GTF3C3: variants seen among roughly 807,000 people sequenced by gnomAD.
GTF3C3 encodes general transcription factor IIIC subunit 3, also known as general transcription factor 3C polypeptide 3.
In GTF3C3, 75 loss-of-function variants were observed where a neutral mutation model predicts 105.2. That is an observed-to-expected ratio of 0.71 (90% CI 0.59 to 0.86). The LOEUF (loss-of-function observed/expected upper bound fraction) is 0.86. Among genes scored for constraint, GTF3C3 ranks in the 40% least tolerant of loss-of-function variants. The pLI is 0.00. For synonymous variants in GTF3C3, 335 were observed against 370.4 expected, an observed-to-expected ratio of 0.90 and a Z score of 1.10; for missense variants, 856 against 1,076.5, an observed-to-expected ratio of 0.80 and a Z score of 2.87.
At position 196,773,924 on chromosome 2, in the gene GTF3C3, C is replaced by T. The variant is rs558065121; in HGVS notation, c.1832-771G>A. 3.3e-4 allele frequency among the ~76,000 whole-genome samples: 51 copies of T among 152,302 alleles called. 1 individual carries two copies. Among genetic ancestry groups the T allele is most frequent in the Admixed American group, 6.5e-4 (10 of 15,304 alleles). On this transcript the variant is annotated intron_variant, in intron 13 of 17. Coordinates refer to ENST00000263956, the MANE Select transcript of GTF3C3 (RefSeq NM_012086.5). ...CACCCACTGCTCACCTCCTGCTGTGCGGCCCAGTCCCTAGCAGGCCACGGG... is the reference window on the plus strand; with the variant it reads ...CACCCACTGCTCACCTCCTGCTGTGTGGCCCAGTCCCTAGCAGGCCACGGG...
chr2:196,784,236 T>C (rs1437417675), intron 8 of GTF3C3, among the ~76,000 whole-genome samples: 2 of 152,134 alleles, frequency 1.3e-5, no homozygotes, highest in African/African-American at 2.4e-5. Flanking sequence ...GGGTTGAAGG[T>C]ACTATACAGG....
At position 196,786,764 on chromosome 2, in the gene GTF3C3, T is replaced by C. The variant is rs1015974650; in HGVS notation, c.894-1176A>G. On this transcript the variant is annotated intron_variant, in intron 6 of 17. Transcript: ENST00000263956. This position sits in a 1 kb window ranked among gnomAD's most constrained non-coding sequence, Gnocchi z 4.2. ...TTCCCCCAAAGTTGTCCATCCCCCA[T>C]ACCGTCTCCAATGCCTCTTTCCATT... 1.3e-5 allele frequency among the ~76,000 whole-genome samples: 2 copies of C among 151,968 alleles called. No homozygotes were observed. The highest frequency in any genetic ancestry group is 4.8e-5 in the African/African-American group (2 of 41,376).
intron 2 of GTF3C3, among the ~76,000 whole-genome samples, chr2:196,795,699 AAC>A (rs1484694534): frequency 6.6e-6 from 1 of 152,240 alleles, no homozygotes; most frequent in Non-Finnish European, 1.5e-5. Context: ...ATTTTCCACA[AAC>A]ACAGTTGATG....
chr2:196,781,828 C>CTGAA (rs1699369723), intron 8 of GTF3C3, among the ~76,000 whole-genome samples: 2 of 152,256 alleles, frequency 1.3e-5, no homozygotes, highest in Admixed American at 1.3e-4. Context: ...ACACTAAGCC[C>CTGAA]TGAGCTCCAT....
chr2:196,765,040 A>T (rs1266797864), intron 17 of GTF3C3, among the ~76,000 whole-genome samples: 5 of 152,218 alleles, frequency 3.3e-5, no homozygotes, highest in African/African-American at 1.2e-4. Context: ...AGTAGCAACT[A>T]TAAAGGGAAA....
intron 2 of GTF3C3, among the ~76,000 whole-genome samples, chr2:196,795,151 T>C (rs1699620853): frequency 6.6e-6 from 1 of 151,734 alleles, no homozygotes; most frequent in Non-Finnish European, 1.5e-5. Flanking sequence ...AAGCAGTCCA[T>C]CTCAGCCTCC....
intron 12 of GTF3C3, 50 bp downstream of exon 12, chr2:196,775,960 A>T: frequency 2.5e-6 from 2 of 797,434 alleles, no homozygotes; most frequent in South Asian, 3.8e-5. Flanking sequence ...ATGAAATACT[A>T]AACATTTAAA....
intron 17 of GTF3C3, among the ~76,000 whole-genome samples, chr2:196,765,550 T>C (rs1415339748): frequency 6.7e-6 from 1 of 150,194 alleles, no homozygotes; most frequent in Admixed American, 6.7e-5. Flanking sequence ...TAAATATGTA[T>C]ATATGAATAT....
At chr2:196,784,093 C>T (rs1676061445) in intron 8 of GTF3C3, among the ~76,000 whole-genome samples, 1 of 152,028 alleles carries the variant, frequency 6.6e-6, no homozygotes, top group Non-Finnish European at 1.5e-5. Flanking sequence ...ATGCCTTAGC[C>T]CAAAGGATTA....
In GTF3C3 at chr2:196,789,186, GT is replaced by G. The variant is rs1699504261; in HGVS notation, c.893+17del. On this transcript the variant is annotated intron_variant, in intron 6 of 17. Coordinates refer to ENST00000263956, the MANE Select transcript of GTF3C3 (RefSeq NM_012086.5). ...AAGATTAACAGGAGCAAGTAGATCT[GT>G]TTCACTCCAAACTTACTTTGCCATA... 6.3e-7 allele frequency: 1 copy of G among 1,582,344 alleles called. No homozygotes were observed. Among genetic ancestry groups the G allele is most frequent in the Admixed American group, 1.8e-5 (1 of 55,312 alleles).
chr2:196,764,696 A>G lies in GTF3C3; in HGVS notation c.2539-11T>C. On this transcript the variant is annotated splice_polypyrimidine_tract_variant and intron_variant, in intron 17 of 17. Coordinates refer to ENST00000263956, the MANE Select transcript of GTF3C3 (RefSeq NM_012086.5). ...GTCAAGTTCTATACCCTAGGGAGAA[A>G]AAGATACCTTTATGTTTAATATTTC... The G allele has an allele frequency of 6.2e-7, 1 of 1,603,172 alleles. No homozygotes were observed. The highest frequency in any genetic ancestry group is 8.5e-7 in the Non-Finnish European group (1 of 1,173,362).
intron 1 of GTF3C3, among the ~76,000 whole-genome samples, chr2:196,798,444 A>C (rs998606766): frequency 6.6e-5 from 10 of 152,130 alleles, no homozygotes; most frequent in Non-Finnish European, 1.5e-5. Flanking sequence ...GGACTGCTTG[A>C]GTCCGGGAGG....
Position 196,776,411 on chromosome 2 carries a change from A to G in GTF3C3, c.1593+16T>C, listed in dbSNP as rs748565523. The G allele has an allele frequency of 2.6e-5, 42 of 1,604,500 alleles. No individual in the cohort carries two copies. The highest frequency in any genetic ancestry group is 3.3e-5 in the Non-Finnish European group (39 of 1,172,460). On this transcript the variant is annotated intron_variant, in intron 11 of 17. Coordinates refer to ENST00000263956, the MANE Select transcript of GTF3C3 (RefSeq NM_012086.5). The surrounding 1 kb of genome is among the most constrained non-coding windows in gnomAD (Gnocchi z 4.5). ...AATATACCAAGAAAAACTTCCCTCT[A>G]TGTGACATGGCCCACCTGCTGTGCA...
chr2:196,785,125 A>G (rs1699434428), intron 7 of GTF3C3, among the ~76,000 whole-genome samples, 196 bp from the exon 8 acceptor site: 1 of 152,128 alleles, frequency 6.6e-6, no homozygotes, highest in Admixed American at 6.5e-5. Flanking sequence ...CTCAATGTAT[A>G]TAACTTCTTT....
intron 2 of GTF3C3, among the ~76,000 whole-genome samples, chr2:196,794,285 T>C (rs1699599915): frequency 6.6e-6 from 1 of 152,136 alleles, no homozygotes; most frequent in Non-Finnish European, 1.5e-5. Context: ...CCTTATAAAT[T>C]ACCGAGTTTC....
chr2:196,799,342 T>C, intron 1 of GTF3C3, 168 bp downstream of exon 1: 1 of 581,360 alleles, frequency 1.7e-6, no homozygotes, highest in Non-Finnish European at 3.0e-6. Flanking sequence ...TTTAAGGAGC[T>C]TAGCACAGGG....
At position 196,772,932 on chromosome 2, in the gene GTF3C3, C is replaced by T; in HGVS notation, c.2053G>A (p.Ala685Thr). The T allele has an allele frequency of 1.3e-6, 2 of 1,539,800 alleles. No homozygotes were observed. The highest frequency in any genetic ancestry group is 1.8e-6 in the Non-Finnish European group (2 of 1,132,174). Reference sequence around the variant, plus strand: ...GGAAATCACCTGATATAGTTGTATGCCTTTCTGAAATTTTTGTCCAGAATT... The same window carrying T: ...GGAAATCACCTGATATAGTTGTATGTCTTTCTGAAATTTTTGTCCAGAATT... ...AAILDKNFRK[A>T]YNYIRIMVME... The change falls in exon 14 of 18, where the codon GCA (alanine) becomes ACA (threonine). Residue 685 changes from alanine (A) to threonine (T), a missense_variant. Physicochemically the swap from Ala to Thr is moderately conservative, Grantham distance 58. Coordinates refer to ENST00000263956, the MANE Select transcript of GTF3C3 (RefSeq NM_012086.5).
In GTF3C3 at chr2:196,797,793, A is replaced by G. The variant is rs1203764521; in HGVS notation, c.214+4T>C. 1.4e-6 allele frequency: 2 copies of G among 1,474,024 alleles called. No homozygotes were observed. Among genetic ancestry groups the G allele is most frequent in the South Asian group, 2.3e-5 (2 of 88,116 alleles). The allele number at this position is 1,474,024 out of a possible 1,614,324, so 91.3% of individuals were successfully genotyped here. A position where few individuals can be genotyped will look rare whatever the true frequency, so the allele number is the denominator to read the frequency against. On this transcript the variant is annotated splice_donor_region_variant and intron_variant, in intron 2 of 17. Transcript: ENST00000263956. ...ATTGCAGGAAGCACATAATTTTAAC[A>G]TACCTTCATTGACATCTTTGTCTTG...
At chr2:196,788,399 C>T (rs750571183) in intron 6 of GTF3C3, among the ~76,000 whole-genome samples, 6 of 152,088 alleles carry the variant, frequency 3.9e-5, no homozygotes, top group South Asian at 2.1e-4. Flanking sequence ...TGTTTTGCTG[C>T]GCAGCATACC....
Sources: allele counts gnomAD v4.1 joint callset (sites outside exome capture counted in the v4.1 genomes callset), GRCh38; gene constraint gnomAD v4.1.1; non-coding constraint Gnocchi (gnomAD v3.1); transcripts MANE v1.5; gene names NCBI Gene and HGNC (gene_info 2026-07-23, HGNC 2026-07-21).